ROBO2: variants seen among roughly 807,000 people sequenced by gnomAD.
ROBO2 encodes roundabout guidance receptor 2, also known as roundabout homolog 2.
ROBO2 carries 53 observed loss-of-function variants against 160.8 expected under a neutral mutation model. The ratio of observed to expected loss-of-function variants is 0.33; its 90% CI spans 0.26 to 0.41. The LOEUF is 0.41. Ranked by LOEUF, ROBO2 falls within the 10% of genes least tolerant of loss-of-function variation. The pLI is 1.00. For synonymous variants in ROBO2, 664 were observed against 611.7 expected, an observed-to-expected ratio of 1.09 and a Z score of -1.26; for missense variants, 1,577 against 1,722.4, an observed-to-expected ratio of 0.92 and a Z score of 1.49.
intron 8 of ROBO2, among the ~76,000 whole-genome samples, chr3:77,557,116 T>A (rs1523758): frequency 0.56 from 84,427 of 151,240 alleles, 23,584 homozygotes; most frequent in Middle Eastern, 0.68. Flanking sequence ...ACGATACAGT[T>A]GTATTGTACT....
chr3:77,030,390 C>A (rs6548473), intron 2 of ROBO2, among the ~76,000 whole-genome samples: 31,523 of 152,030 alleles, frequency 0.21, 4,762 homozygotes, highest in African/African-American at 0.43. Flanking sequence ...GATTAAAATG[C>A]ATATTACCAT....
At position 77,109,697 on chromosome 3, in the gene ROBO2, A is replaced by T. The variant is rs533044712; in HGVS notation, c.388+11357A>T. 5.9e-5 allele frequency among the ~76,000 whole-genome samples: 9 copies of T among 152,342 alleles called. No homozygotes were observed. In the East Asian group the frequency reaches 1.7e-3, roughly 29 times the overall value. On this transcript the variant is annotated intron_variant, in intron 2 of 25. Coordinates refer to ENST00000461745, the Ensembl canonical transcript of ROBO2. ...TGATTCAGTTCTCAAAACAAATCTAAAATTTGGGTACTATTATTTTCTCTC... is the reference window on the plus strand; with the variant it reads ...TGATTCAGTTCTCAAAACAAATCTATAATTTGGGTACTATTATTTTCTCTC...
At chr3:76,824,221 G>C (rs1284706186) in intron 2 of ROBO2, among the ~76,000 whole-genome samples, 1 of 152,166 alleles carries the variant, frequency 6.6e-6, no homozygotes, top group Non-Finnish European at 1.5e-5. Flanking sequence ...TACTCCACTG[G>C]GAAGAACTTG....
intron 2 of ROBO2, among the ~76,000 whole-genome samples, chr3:76,042,037 A>C (rs933961553): frequency 1.1e-4 from 16 of 151,570 alleles, no homozygotes; most frequent in Admixed American, 1.1e-3. Context: ...TAAAAAAAAA[A>C]AAAAACACCC....
At chr3:77,607,368 A>C (rs2153695854) in intron 20 of ROBO2, among the ~76,000 whole-genome samples, 1 of 152,330 alleles carries the variant, frequency 6.6e-6, no homozygotes, top group Middle Eastern at 3.4e-3. Flanking sequence ...AAATTGAATA[A>C]ATTCTAATGG....
intron 2 of ROBO2, among the ~76,000 whole-genome samples, chr3:76,571,067 T>C (rs2108599780): frequency 6.6e-6 from 1 of 152,250 alleles, no homozygotes; most frequent in African/African-American, 2.4e-5. Context: ...TTTGCACAGG[T>C]GATATGAAAT....
chr3:77,466,978 C>G (rs1040245265), intron 2 of ROBO2, among the ~76,000 whole-genome samples: 1 of 152,102 alleles, frequency 6.6e-6, no homozygotes, highest in Non-Finnish European at 1.5e-5. Context: ...GCTAGAATGA[C>G]AAGAGATGCT....
At chr3:77,233,297 A>G (rs77551887) in intron 2 of ROBO2, among the ~76,000 whole-genome samples, 159 of 152,334 alleles carry the variant, frequency 1.0e-3, no homozygotes, top group African/African-American at 3.6e-3. Flanking sequence ...AATAATGCAA[A>G]AGAAATAATC....
intron 2 of ROBO2, among the ~76,000 whole-genome samples, chr3:76,423,120 A>G (rs1016734671): frequency 3.3e-5 from 5 of 152,178 alleles, no homozygotes; most frequent in African/African-American, 9.7e-5. Context: ...AGGTTTGACT[A>G]CAGAGTAAAG....
chr3:77,070,657 T>G (rs1408823376), intron 1 of ROBO2, among the ~76,000 whole-genome samples: 1 of 152,124 alleles, frequency 6.6e-6, no homozygotes, highest in Non-Finnish European at 1.5e-5. Context: ...TGATATCAAA[T>G]GAAGGTAAAG....
intron 23 of ROBO2, chr3:77,629,521 G>T (rs1461242335): frequency 2.0e-5 from 3 of 152,094 alleles, no homozygotes; most frequent in Non-Finnish European, 2.9e-5. Context: ...GGATAAATGA[G>T]GATGGAAAAG....
intron 2 of ROBO2, among the ~76,000 whole-genome samples, chr3:76,022,543 TATC>T (rs1384354142): frequency 6.6e-6 from 1 of 151,800 alleles, no homozygotes; most frequent in Non-Finnish European, 1.5e-5. Flanking sequence ...AACACATTAA[TATC>T]ATTGTTCATC....
intron 2 of ROBO2, among the ~76,000 whole-genome samples, chr3:77,366,031 C>A (rs1000774896): frequency 5.3e-5 from 8 of 152,062 alleles, no homozygotes; most frequent in African/African-American, 1.9e-4. Context: ...TCGCAGGAAT[C>A]AGTCCTAATG....
chr3:76,782,444 G>T (rs1305388547), intron 2 of ROBO2, among the ~76,000 whole-genome samples: 2 of 150,550 alleles, frequency 1.3e-5, no homozygotes, highest in Non-Finnish European at 3.0e-5. Context: ...TATTGATTTT[G>T]TTTCTAGATA....
intron 2 of ROBO2, among the ~76,000 whole-genome samples, chr3:77,133,624 G>A (rs546269652): frequency 6.8e-6 from 1 of 147,540 alleles, no homozygotes; most frequent in South Asian, 2.1e-4. Context: ...TCCGTCCTGG[G>A]ATTCCTTTAG....
At chr3:75,932,931 A>C (rs187739299) in intron 1 of ROBO2, among the ~76,000 whole-genome samples, 8 of 152,172 alleles carry the variant, frequency 5.3e-5, no homozygotes, top group African/African-American at 1.9e-4. Context: ...AAATACATGC[A>C]TGTGTTATAT....
chr3:76,015,162 A>C lies in ROBO2; in HGVS notation c.109+77560A>C, dbSNP rs527828475. Among the ~76,000 whole-genome samples, 5 of 152,308 alleles carry C rather than the reference A, an allele frequency of 3.3e-5. No individual in the cohort carries two copies. In the South Asian group the frequency reaches 8.3e-4, roughly 25 times the overall value. ...ATGTACTTACCCTTAACTGTTTTAC[A>C]GTTATTTTCAGATTTACATTTTCTG... On this transcript the variant is annotated intron_variant, in intron 2 of 26. Coordinates refer to the ROBO2 transcript ENST00000487694.
chr3:77,143,173 G>GGTTTT (rs1300538646), intron 2 of ROBO2, among the ~76,000 whole-genome samples: 4 of 112,718 alleles, frequency 3.5e-5, no homozygotes, highest in Non-Finnish European at 7.0e-5. Context: ...TTAAACAGCA[G>GGTTTT]CTTTTTTTTT....
intron 2 of ROBO2, among the ~76,000 whole-genome samples, chr3:77,166,542 A>T (rs980807692): frequency 8.0e-4 from 122 of 151,868 alleles, no homozygotes; most frequent in African/African-American, 2.8e-3. Context: ...ATATTTAATG[A>T]CACAGAAGTG....
Sources: allele counts gnomAD v4.1 joint callset (sites outside exome capture counted in the v4.1 genomes callset), GRCh38; gene constraint gnomAD v4.1.1; transcripts MANE v1.5; gene names NCBI Gene and HGNC (gene_info 2026-07-23, HGNC 2026-07-21).